ZNF385B: variants seen among roughly 807,000 people sequenced by gnomAD.
ZNF385B encodes zinc finger protein 385B, also known as zinc finger protein 533.
In ZNF385B, 23 loss-of-function variants were observed where a neutral mutation model predicts 39.2. The observed-to-expected ratio is 0.59, with a 90% confidence interval of 0.42 to 0.83. ZNF385B has a LOEUF of 0.83. Among genes scored for constraint, ZNF385B ranks in the 40% least tolerant of loss-of-function variants. ZNF385B has a pLI of 0.00. For synonymous variants in ZNF385B, 205 were observed against 222.6 expected (o/e 0.92, Z 0.70); for missense variants, 552 against 598.9 (o/e 0.92, Z 0.82).
chr2:179,788,820 A>G (rs1029285714), intron 1 of ZNF385B, among the ~76,000 whole-genome samples: 1 of 152,092 alleles, frequency 6.6e-6, no homozygotes, highest in Non-Finnish European at 1.5e-5. Context: ...ACAAAAGAGG[A>G]TGCTCCTGTG....
intron 3 of ZNF385B, among the ~76,000 whole-genome samples, chr2:179,756,730 T>C (rs1703049715): frequency 1.3e-5 from 2 of 152,260 alleles, no homozygotes; most frequent in South Asian, 4.1e-4. Flanking sequence ...CATTTGATCT[T>C]CAATGACTGA....
chr2:179,686,007 T>C (rs941147463), intron 3 of ZNF385B, among the ~76,000 whole-genome samples: 8 of 152,178 alleles, frequency 5.3e-5, no homozygotes, highest in African/African-American at 9.7e-5. Context: ...CTCCTCTCTA[T>C]TTTCCCTTCT....
chr2:179,590,532 C>T (rs1171541658), intron 3 of ZNF385B, among the ~76,000 whole-genome samples: 1 of 152,114 alleles, frequency 6.6e-6, no homozygotes, highest in Non-Finnish European at 1.5e-5. Context: ...GAGAATTTTA[C>T]GTGTTTAATG....
intron 2 of ZNF385B, 77 bp from the exon 3 acceptor site, chr2:179,769,879 A>G: frequency 7.1e-7 from 1 of 1,411,852 alleles, no homozygotes; most frequent in Non-Finnish European, 9.5e-7. Flanking sequence ...ATTAATCTTT[A>G]AGGGTTTGTT....
rs151047712 is a variant in ZNF385B at position 179,789,972 on chromosome 2, A to G, written c.-154-19300T>C. Reference sequence around the variant, plus strand: ...TCTACATCTGAGGTTAGAAAAAAGAAAAAAAGATCAGAAACAACTTTTCCT... The same window carrying G: ...TCTACATCTGAGGTTAGAAAAAAGAGAAAAAGATCAGAAACAACTTTTCCT... On this transcript the variant is annotated intron_variant, in intron 1 of 9. Transcript: ENST00000410066. Among the ~76,000 whole-genome samples the G allele has an allele frequency of 3.9e-5, 6 of 152,306 alleles. No homozygotes were observed. The East Asian group carries it at 1.2e-3, about 29-fold the overall frequency.
chr2:179,646,902 T>C (rs6743733), intron 3 of ZNF385B, among the ~76,000 whole-genome samples: 27,471 of 152,200 alleles, frequency 0.18, 3,117 homozygotes, highest in South Asian at 0.28. Flanking sequence ...ATCAGAGACA[T>C]AGATAAAGCT....
At chr2:179,613,749 G>A (rs530094705) in intron 3 of ZNF385B, among the ~76,000 whole-genome samples, 1 of 152,136 alleles carries the variant, frequency 6.6e-6, no homozygotes, top group African/African-American at 2.4e-5. Context: ...GCACTTCCTT[G>A]GCCAACCCAG....
chr2:179,795,914 C>T (rs755165031), intron 1 of ZNF385B, among the ~76,000 whole-genome samples: 2 of 152,102 alleles, frequency 1.3e-5, no homozygotes, highest in Admixed American at 6.6e-5. Flanking sequence ...TATCTCCAGT[C>T]ATAAAGGTAA....
chr2:179,790,923 G>A (rs1705288197), intron 1 of ZNF385B, among the ~76,000 whole-genome samples: 1 of 152,192 alleles, frequency 6.6e-6, no homozygotes, highest in Non-Finnish European at 1.5e-5. Context: ...TATTTATGCT[G>A]TAATTTATCA....
intron 5 of ZNF385B, among the ~76,000 whole-genome samples, chr2:179,507,434 T>C (rs1443673027): frequency 3.3e-5 from 5 of 152,090 alleles, no homozygotes; most frequent in Non-Finnish European, 4.4e-5. Flanking sequence ...TTTGTGCAAA[T>C]ACAAGGATAA....
intron 3 of ZNF385B, among the ~76,000 whole-genome samples, chr2:179,656,060 T>C (rs1339867672): frequency 6.6e-6 from 1 of 152,148 alleles, no homozygotes; most frequent in Non-Finnish European, 1.5e-5. Flanking sequence ...ATATTAGAAG[T>C]TTATCTTTTA....
At chr2:179,541,800 C>G (rs1238508950) in intron 4 of ZNF385B, among the ~76,000 whole-genome samples, 2 of 140,418 alleles carry the variant, frequency 1.4e-5, no homozygotes, top group East Asian at 3.9e-4. Context: ...GCCTTCCACA[C>G]TTCCAGAAAA....
chr2:179,550,436 T>C (rs2060495526), intron 3 of ZNF385B, among the ~76,000 whole-genome samples: 2 of 149,482 alleles, frequency 1.3e-5, no homozygotes, highest in South Asian at 4.3e-4. Context: ...CCTTACCCAA[T>C]CAAATCTCTA....
intron 3 of ZNF385B, among the ~76,000 whole-genome samples, chr2:179,639,226 C>CAAAAAAAAAAAAA (rs59905278): frequency 1.5e-4 from 14 of 93,020 alleles, no homozygotes; most frequent in African/African-American, 5.0e-4. Context: ...GATCCTGCCT[C>CAAAAAAAAAAAAA]AAAAAAAAAA....
At chr2:179,761,354 G>T (rs1703374696) in intron 3 of ZNF385B, among the ~76,000 whole-genome samples, 1 of 152,112 alleles carries the variant, frequency 6.6e-6, no homozygotes. Context: ...TCTTAATCTT[G>T]TTGAGTTTTC....
At chr2:179,801,973 C>T (rs1706062906) in intron 1 of ZNF385B, among the ~76,000 whole-genome samples, 1 of 152,148 alleles carries the variant, frequency 6.6e-6, no homozygotes, top group African/African-American at 2.4e-5. Context: ...ATCACTTAAT[C>T]TTTGCATGGG....
chr2:179,521,920 A>C (rs949161947), intron 4 of ZNF385B, among the ~76,000 whole-genome samples: 1 of 152,002 alleles, frequency 6.6e-6, no homozygotes. Flanking sequence ...GTATTTCCTT[A>C]AGGTTTCTGG....
At position 179,702,204 on chromosome 2, in the gene ZNF385B, G is replaced by GA. The variant is rs1261919223; in HGVS notation, c.298+67298dup. ...CATTTAGATAATTTTAAAAAAAGAT[G>GA]ATTTTCATCTTGTATTTCTAAATAA... is the stretch of plus-strand genomic sequence containing the variant. On this transcript the variant is annotated intron_variant, in intron 3 of 9. Transcript: ENST00000410066. 2.0e-5 allele frequency among the ~76,000 whole-genome samples: 3 copies of GA among 152,032 alleles called. 1 individual carries two copies. Among genetic ancestry groups the GA allele is most frequent in the African/African-American group, 7.2e-5 (3 of 41,406 alleles).
intron 3 of ZNF385B, among the ~76,000 whole-genome samples, chr2:179,656,705 C>T (rs1355686525): frequency 5.3e-5 from 8 of 152,118 alleles, no homozygotes; most frequent in African/African-American, 1.7e-4. Flanking sequence ...CCTTCTTAGA[C>T]ATTTTTTTCA....
Sources: gnomAD v4.1 joint callset for allele counts (sites outside exome capture counted in the v4.1 genomes callset) on GRCh38, gnomAD v4.1.1 for gene constraint, MANE v1.5 for transcripts, NCBI Gene and HGNC (gene_info 2026-07-23, HGNC 2026-07-21) for gene names.